The following RASGEF1C variants were observed in gnomAD, a reference collection of about 807,000 sequenced individuals.
RASGEF1C encodes the protein ras-GEF domain-containing family member 1C.
RASGEF1C carries 27 observed loss-of-function variants against 58.1 expected under a neutral mutation model. That is an observed-to-expected ratio of 0.46 (90% confidence interval 0.34 to 0.64). The LOEUF (loss-of-function observed/expected upper bound fraction) is 0.64, where lower values mean the gene tolerates loss of function less well. Ranked by LOEUF, RASGEF1C falls within the 30% of genes least tolerant of loss-of-function variation. The pLI, the probability that RASGEF1C is intolerant of heterozygous loss-of-function variation, is 0.01. For synonymous variants in RASGEF1C, 243 were observed against 246.3 expected, an observed-to-expected ratio of 0.99 and a Z score of 0.13; for missense variants, 502 against 605.1, an observed-to-expected ratio of 0.83 and a Z score of 1.79.
intron 1 of RASGEF1C, among the ~76,000 whole-genome samples, chr5:180,204,094 C>T (rs987389503): frequency 1.3e-5 from 2 of 152,140 alleles, no homozygotes; most frequent in African/African-American, 2.4e-5. Context: ...GGTCAGCATC[C>T]CTAACCTTCT....
chr5:180,138,169 G>A (rs1263911542), intron 1 of RASGEF1C, 111 bp from the exon 2 acceptor site: 5 of 595,426 alleles, frequency 8.4e-6, no homozygotes, highest in Non-Finnish European at 1.4e-5. Context: ...TCCCCCCACA[G>A]CCACTTTGTG....
intron 12 of RASGEF1C, 37 bp from the exon 13 acceptor site, chr5:180,102,180 TTGA>T (rs1217771246): frequency 1.0e-5 from 13 of 1,255,664 alleles, no homozygotes; most frequent in African/African-American, 1.5e-5. Context: ...ACAATTATGG[TTGA>T]TGATAATAAC....
At chr5:180,145,222 G>C (rs1766645143) in intron 1 of RASGEF1C, among the ~76,000 whole-genome samples, 1 of 152,200 alleles carries the variant, frequency 6.6e-6, no homozygotes, top group Non-Finnish European at 1.5e-5. Context: ...CCGGGTTCAA[G>C]CGATTCTCCT....
rs1206341575 is a variant in RASGEF1C, at chr5:180,137,840, G to C, written c.177+36C>G. 2 of 1,606,244 alleles carry C rather than the reference G, an allele frequency of 1.2e-6. No individual in the cohort carries two copies. The highest frequency in any genetic ancestry group is 2.2e-5 in the South Asian group (2 of 90,068). ...GATGCCCCCCGTGCGTGGTGGAGGA[G>C]AGCCCACTCTCCTGCCCGCTGGGTG... On this transcript the variant is annotated intron_variant, in intron 2 of 13. Transcript: ENST00000361132. This position sits in a 1 kb window ranked among gnomAD's most constrained non-coding sequence, Gnocchi z 4.1.
chr5:180,105,195 A>G (rs1415626114), intron 12 of RASGEF1C, among the ~76,000 whole-genome samples: 2 of 152,206 alleles, frequency 1.3e-5, no homozygotes, highest in Non-Finnish European at 2.9e-5. Flanking sequence ...TTTTCCCTTG[A>G]GAACTTTCAC....
At chr5:180,117,231 A>G (rs1042990966) in intron 10 of RASGEF1C, among the ~76,000 whole-genome samples, 1 of 152,216 alleles carries the variant, frequency 6.6e-6, no homozygotes, top group Non-Finnish European at 1.5e-5. Flanking sequence ...CCTGAACAGG[A>G]AAGGCCAGCT....
intron 1 of RASGEF1C, among the ~76,000 whole-genome samples, chr5:180,205,803 G>T (rs1329826035): frequency 5.9e-5 from 9 of 151,910 alleles, no homozygotes. Context: ...TCTCAGCTCA[G>T]CTCACTGCAA....
At position 180,192,355 on chromosome 5, in the gene RASGEF1C, G is replaced by A. The variant is rs191087064; in HGVS notation, c.-7+16673C>T. 1.6e-4 allele frequency among the ~76,000 whole-genome samples: 24 copies of A among 152,136 alleles called. No homozygotes were observed. The East Asian group carries it at 2.3e-3, about 15-fold the overall frequency. On this transcript the variant is annotated intron_variant, in intron 1 of 13. Coordinates refer to ENST00000361132, the MANE Select transcript of RASGEF1C (RefSeq NM_175062.4). The stretch of plus-strand genomic sequence containing the variant: ...TAAACTAATCATGCCGGATGAAAGC[G>A]GAGGGACGGATGAGCTCAGCGTCCT...
intron 1 of RASGEF1C, among the ~76,000 whole-genome samples, chr5:180,201,756 C>T (rs531062117): frequency 2.6e-5 from 4 of 152,252 alleles, no homozygotes; most frequent in East Asian, 1.9e-4. Context: ...GATTAGGTCT[C>T]GAGGGCAGAG....
Position 180,137,934 on chromosome 5 carries a change from G to A in RASGEF1C, c.119C>T (p.Ser40Leu). The change falls in exon 2 of 14, where the codon TCA becomes TTA. Residue 40 changes from serine (S) to leucine (L), a missense_variant. Physicochemically the swap from Ser to Leu is moderately radical, Grantham distance 145 (BLOSUM62 -2). Transcript: ENST00000361132. The surrounding 1 kb of genome is among the most constrained non-coding windows in gnomAD (Gnocchi z 4.1). ...GQPLLDGAPS[S>L]ASLETLIQHL... ...CTGGATCAGTGTTTCCAGGGAGGCT[G>A]AGGATGGCGCTCCATCCAGGAGGGG... 1 of 1,613,310 alleles carries A rather than the reference G, an allele frequency of 6.2e-7. No individual in the cohort carries two copies. The highest frequency in any genetic ancestry group is 8.5e-7 in the Non-Finnish European group (1 of 1,179,850).
intron 12 of RASGEF1C, among the ~76,000 whole-genome samples, chr5:180,105,847 G>A (rs1434593365): frequency 1.3e-5 from 2 of 152,086 alleles, no homozygotes; most frequent in East Asian, 3.9e-4. Context: ...CAGCCTGGGT[G>A]ACAGAGCGAG....
chr5:180,143,271 C>A lies in RASGEF1C; in HGVS notation c.-6-5213G>T, dbSNP rs376698677. On this transcript the variant is annotated intron_variant, in intron 1 of 13. Transcript: ENST00000361132. The surrounding 1 kb of genome is among the most constrained non-coding windows in gnomAD (Gnocchi z 4.3). ...GCCTCACTGACAGGCTCAGGGCCCA[C>A]CCTGCTCCAGGCCGCTGGCGCTGGC... is the stretch of plus-strand genomic sequence containing the variant. 3.4e-4 allele frequency among the ~76,000 whole-genome samples: 52 copies of A among 152,344 alleles called. No homozygotes were observed. Among genetic ancestry groups the A allele is most frequent in the African/African-American group, 1.2e-3 (49 of 41,586 alleles).
intron 8 of RASGEF1C, 105 bp from the exon 9 acceptor site, chr5:180,118,971 G>C (rs1321693916): frequency 9.6e-7 from 1 of 1,037,216 alleles, no homozygotes; most frequent in African/African-American, 1.6e-5. Context: ...AGGTCTGCAG[G>C]GCTCAGCCTG....
chr5:180,174,449 T>TGTGTATGTGTGTCTGTGCGCGC (rs1733351036), intron 1 of RASGEF1C, among the ~76,000 whole-genome samples: 1 of 150,244 alleles, frequency 6.7e-6, no homozygotes, highest in African/African-American at 2.5e-5. Flanking sequence ...TCTGTGCATG[T>TGTGTATGTGTGTCTGTGCGCGC]GCGTGTGTGC....
intron 1 of RASGEF1C, among the ~76,000 whole-genome samples, chr5:180,173,371 C>A (rs1330876622): frequency 6.6e-6 from 1 of 152,148 alleles, no homozygotes; most frequent in African/African-American, 2.4e-5. Flanking sequence ...GTTTCCAGAC[C>A]AAAGCCTCTG....
intron 1 of RASGEF1C, among the ~76,000 whole-genome samples, chr5:180,154,448 T>C (rs1766820424): frequency 6.6e-6 from 1 of 152,212 alleles, no homozygotes; most frequent in Non-Finnish European, 1.5e-5. Flanking sequence ...CATATGTCAG[T>C]GTCACTTAAT....
intron 12 of RASGEF1C, among the ~76,000 whole-genome samples, chr5:180,107,503 T>G (rs950087287): frequency 6.6e-6 from 1 of 152,242 alleles, no homozygotes; most frequent in African/African-American, 2.4e-5. Flanking sequence ...TTCTGGCCTC[T>G]TGGTTTCTGA....
At chr5:180,183,935 C>T (rs1581125078) in intron 1 of RASGEF1C, among the ~76,000 whole-genome samples, 1 of 151,316 alleles carries the variant, frequency 6.6e-6, no homozygotes, top group East Asian at 2.0e-4. Context: ...ACTTTGGGAG[C>T]CCGAGGCTGG....
At chr5:180,150,874 G>C (rs1326497361) in intron 1 of RASGEF1C, among the ~76,000 whole-genome samples, 1 of 151,682 alleles carries the variant, frequency 6.6e-6, no homozygotes, top group Non-Finnish European at 1.5e-5. Flanking sequence ...AAAGTCTCAG[G>C]ATACAAAATC....
Sources: gnomAD v4.1 joint callset for allele counts (sites outside exome capture counted in the v4.1 genomes callset) on GRCh38, gnomAD v4.1.1 for gene constraint, Gnocchi (gnomAD v3.1) non-coding constraint, MANE v1.5 for transcripts, NCBI Gene and HGNC (gene_info 2026-07-23, HGNC 2026-07-21) for gene names.